The following CHSY1 variants were observed in gnomAD, a reference collection of about 807,000 sequenced individuals.
CHSY1 encodes chondroitin sulfate synthase 1, also known as N-acetylgalactosaminyl-proteoglycan 3-beta-glucuronosyltransferase 1.
CHSY1 carries 13 observed loss-of-function variants against 59.8 expected under a neutral mutation model. The ratio of observed to expected loss-of-function variants is 0.22; its 90% CI spans 0.14 to 0.35. CHSY1 has a LOEUF of 0.35. CHSY1 is among the 10% of genes least tolerant of loss of function. The probability of loss-of-function intolerance (pLI) is 1.00; values close to 1 mark genes in which losing one functional copy is unlikely to be tolerated. For missense variants in CHSY1, 947 were observed against 1,030.6 expected, an observed-to-expected ratio of 0.92 and a Z score of 1.11; for synonymous variants, 459 against 401.2, an observed-to-expected ratio of 1.14 and a Z score of -1.72.
chr15:101,227,056 A>G (rs963568614), intron 2 of CHSY1, among the ~76,000 whole-genome samples: 1 of 152,224 alleles, frequency 6.6e-6, no homozygotes, highest in Non-Finnish European at 1.5e-5. Context: ...GACTCTGGAT[A>G]TTAAAGATTT....
chr15:101,250,655 G>A lies in CHSY1; in HGVS notation c.320+482C>T, dbSNP rs148880446. On this transcript the variant is annotated intron_variant, in intron 1 of 2. Transcript: ENST00000254190. ...TTCATTTATAGGAGTGCCTCCAACTGCGAAATGTGAGAGTATGATGTGGAA... is the reference window on the plus strand; with the variant it reads ...TTCATTTATAGGAGTGCCTCCAACTACGAAATGTGAGAGTATGATGTGGAA... Among the ~76,000 whole-genome samples, 444 of 152,304 alleles carry A rather than the reference G, an allele frequency of 2.9e-3. 1 individual carries two copies. Among genetic ancestry groups the A allele is most frequent in the African/African-American group, 9.7e-3 (401 of 41,554 alleles).
intron 2 of CHSY1, among the ~76,000 whole-genome samples, chr15:101,192,663 C>G (rs1247760701): frequency 6.9e-6 from 1 of 144,742 alleles, no homozygotes; most frequent in African/African-American, 2.6e-5. Flanking sequence ...TAAACGCCTC[C>G]CTCGTGGCTC....
intron 2 of CHSY1, among the ~76,000 whole-genome samples, chr15:101,186,319 CAAATAAATAAATAAAT>C (rs71903953): frequency 4.1e-5 from 6 of 147,372 alleles, no homozygotes; most frequent in African/African-American, 7.6e-5. Context: ...GACCCTGTCT[CAAATAAATAAATAAAT>C]AAATAAATAA....
intron 1 of CHSY1, among the ~76,000 whole-genome samples, chr15:101,244,188 C>T (rs914752104): frequency 3.9e-5 from 6 of 152,100 alleles, no homozygotes; most frequent in African/African-American, 1.4e-4. Flanking sequence ...CAATGCCATC[C>T]GGAACCAGAA....
intron 2 of CHSY1, among the ~76,000 whole-genome samples, chr15:101,216,567 C>T (rs915876457): frequency 1.3e-5 from 2 of 152,164 alleles, no homozygotes; most frequent in African/African-American, 2.4e-5. Context: ...AGCCATCAAG[C>T]CACACAGAGG....
At chr15:101,239,419 G>A (rs78753202) in intron 1 of CHSY1, among the ~76,000 whole-genome samples, 1 of 152,318 alleles carries the variant, frequency 6.6e-6, no homozygotes, top group African/African-American at 2.4e-5. Context: ...CAGCATCACC[G>A]CAAGAGCTGG....
rs1180540000 is a variant in CHSY1 at position 101,217,795 on chromosome 15, CAT to C, written c.816+17285_816+17286del. On this transcript the variant is annotated intron_variant, in intron 2 of 2. Coordinates refer to ENST00000254190, the MANE Select transcript of CHSY1 (RefSeq NM_014918.5). ...TTTCCCTCCTGAACAGAAGAAATCACATAGATATTCCAACCTCAAGGAAGGAG... is the reference window on the plus strand; with the variant it reads ...TTTCCCTCCTGAACAGAAGAAATCACAGATATTCCAACCTCAAGGAAGGAG... Among the ~76,000 whole-genome samples, 14 of 152,276 alleles carry C rather than the reference CAT, an allele frequency of 9.2e-5. 1 individual carries two copies. Among genetic ancestry groups the C allele is most frequent in the East Asian group, 3.9e-4 (2 of 5,184 alleles).
intron 2 of CHSY1, among the ~76,000 whole-genome samples, chr15:101,207,382 C>A (rs2038637656): frequency 1.3e-5 from 2 of 152,200 alleles, no homozygotes. Context: ...AAAAATTGTT[C>A]ATTCTGATTT....
At chr15:101,180,912 C>T (rs1035745322) in intron 2 of CHSY1, among the ~76,000 whole-genome samples, 3 of 152,072 alleles carry the variant, frequency 2.0e-5, no homozygotes, top group Non-Finnish European at 4.4e-5. Context: ...TTCTTGGGTA[C>T]AAACGGCAGG....
intron 1 of CHSY1, among the ~76,000 whole-genome samples, chr15:101,242,112 T>TA (rs1474129879): frequency 3.9e-5 from 6 of 152,350 alleles, no homozygotes; most frequent in African/African-American, 1.2e-4. Flanking sequence ...TCCACAGATG[T>TA]AGCAGATAGC....
At chr15:101,239,678 A>T (rs2038982711) in intron 1 of CHSY1, among the ~76,000 whole-genome samples, 1 of 152,264 alleles carries the variant, frequency 6.6e-6, no homozygotes, top group Admixed American at 6.5e-5. Context: ...CAGTCTCAGG[A>T]GCACACGGAG....
In CHSY1 at chr15:101,251,181, C is replaced by G. The variant is rs957610141; in HGVS notation, c.276G>C (p.Met92Ile). 3.1e-6 allele frequency: 5 copies of G among 1,600,488 alleles called. No homozygotes were observed. The highest frequency in any genetic ancestry group is 1.3e-5 in the African/African-American group (1 of 74,808). The change falls in exon 1 of 3, where the codon ATG (methionine) becomes ATC (isoleucine). Residue 92 changes from methionine (M) to isoleucine (I), a missense_variant. Met to Ile is a conservative substitution (Grantham distance 10). This residue lies in a region of CHSY1 where 232 missense variants were observed against 188.5 expected (regional missense o/e 1.23). Transcript: ENST00000254190. ...GAGTCTGCAGGTATTTCTGGGCGGT[C>G]ATGACTCCCACGAAGAGAAAGTTCC... ...RDRNFLFVGVMTAQKYLQTRA... is the reference protein window; with the variant it reads ...RDRNFLFVGVITAQKYLQTRA...
chr15:101,243,960 CA>C (rs1261967013), intron 1 of CHSY1, among the ~76,000 whole-genome samples: 1 of 152,188 alleles, frequency 6.6e-6, no homozygotes, highest in Admixed American at 6.5e-5. Context: ...TCAATGGCCT[CA>C]ACACCTACAG....
chr15:101,245,904 T>C (rs939075610), intron 1 of CHSY1, among the ~76,000 whole-genome samples: 1 of 152,240 alleles, frequency 6.6e-6, no homozygotes, highest in African/African-American at 2.4e-5. Flanking sequence ...CAAGTTGAAT[T>C]CTATCTAAGA....
At chr15:101,196,981 T>C (rs1372402319) in intron 2 of CHSY1, among the ~76,000 whole-genome samples, 1 of 152,246 alleles carries the variant, frequency 6.6e-6, no homozygotes, top group African/African-American at 2.4e-5. Context: ...GCATGTTTAG[T>C]CTTAATTCTT....
intron 2 of CHSY1, among the ~76,000 whole-genome samples, chr15:101,192,943 G>A (rs1015004519): frequency 5.3e-5 from 8 of 152,180 alleles, no homozygotes; most frequent in African/African-American, 1.9e-4. Flanking sequence ...CTCTCCCATT[G>A]AAGTGAAATA....
At chr15:101,184,511 G>T (rs1358827709) in intron 2 of CHSY1, among the ~76,000 whole-genome samples, 1 of 151,832 alleles carries the variant, frequency 6.6e-6, no homozygotes, top group Non-Finnish European at 1.5e-5. Context: ...ACCACATACA[G>T]CTAATTTTTG....
At chr15:101,207,477 G>C (rs1271555352) in intron 2 of CHSY1, among the ~76,000 whole-genome samples, 1 of 152,122 alleles carries the variant, frequency 6.6e-6, no homozygotes, top group Non-Finnish European at 1.5e-5. Context: ...ATGTTAACAG[G>C]ATATTTTTCT....
At chr15:101,233,876 A>C (rs1232884156) in intron 2 of CHSY1, among the ~76,000 whole-genome samples, 1 of 152,230 alleles carries the variant, frequency 6.6e-6, no homozygotes, top group African/African-American at 2.4e-5. Context: ...TCTTTCACTC[A>C]AGTACGTGCT....
Sources: gnomAD v4.1 joint callset for allele counts (sites outside exome capture counted in the v4.1 genomes callset) on GRCh38, gnomAD v4.1.1 for gene constraint, gnomAD v4.1.1 regional missense constraint, MANE v1.5 for transcripts, NCBI Gene and HGNC (gene_info 2026-07-23, HGNC 2026-07-21) for gene names.